ATP6V0A4: variants seen among roughly 807,000 people sequenced by gnomAD.
ATP6V0A4 encodes the protein ATPase H+ transporting V0 subunit a4, also known as V-type proton ATPase 116 kDa subunit a 4.
Under a neutral mutation model 107.3 loss-of-function variants are expected in ATP6V0A4, and 86 were observed. The ratio of observed to expected loss-of-function variants is 0.80; its 90% confidence interval spans 0.67 to 0.96. The LOEUF is 0.96. ATP6V0A4 is among the 40% of genes least tolerant of loss of function. ATP6V0A4 has a pLI of 0.00. For synonymous variants in ATP6V0A4, 353 were observed against 381.4 expected, an observed-to-expected ratio of 0.93 and a Z score of 0.87; for missense variants, 908 against 1,045.6, an observed-to-expected ratio of 0.87 and a Z score of 1.81.
intron 21 of ATP6V0A4, among the ~76,000 whole-genome samples, chr7:138,707,350 A>ATATATATTT (rs1385766898): frequency 2.2e-5 from 2 of 90,394 alleles, no homozygotes; most frequent in African/African-American, 9.4e-5. Flanking sequence ...TATATATTAT[A>ATATATATTT]ATATATATTA....
chr7:138,771,722 A>G (rs1450915020), intron 2 of ATP6V0A4, among the ~76,000 whole-genome samples: 1 of 151,936 alleles, frequency 6.6e-6, no homozygotes, highest in Non-Finnish European at 1.5e-5. Flanking sequence ...TGGGCTCAAG[A>G]GATCCTCCTG....
chr7:138,711,834 G>A (rs934841954), intron 20 of ATP6V0A4, among the ~76,000 whole-genome samples: 6 of 152,222 alleles, frequency 3.9e-5, no homozygotes, highest in Admixed American at 1.3e-4. Flanking sequence ...TCAGCCCTGC[G>A]TGTACCCGCA....
intron 1 of ATP6V0A4, among the ~76,000 whole-genome samples, chr7:138,787,043 A>G (rs1308403236): frequency 6.6e-6 from 1 of 152,178 alleles, no homozygotes; most frequent in African/African-American, 2.4e-5. Flanking sequence ...CAGTCTCCTT[A>G]CTTTAGAGAT....
At chr7:138,732,851 T>TTA (rs1805091760) in intron 17 of ATP6V0A4, 26 bp downstream of exon 17, 2 of 1,398,130 alleles carry the variant, frequency 1.4e-6, no homozygotes, top group East Asian at 2.6e-5. Flanking sequence ...AAAAGAAGAG[T>TTA]AAAAAAAAAA....
rs955414711 is a variant in ATP6V0A4, at chr7:138,741,076, G to A, written c.1479-1443C>T. 4.6e-5 allele frequency among the ~76,000 whole-genome samples: 7 copies of A among 152,196 alleles called. No homozygotes were observed. The East Asian group carries it at 5.8e-4, about 13-fold the overall frequency. Reference sequence around the variant, plus strand: ...GAAGAATTACTTGAAACCAGGAGGCGGAGGTTGCAGTGAGCCAAGATTGCA... The same window carrying A: ...GAAGAATTACTTGAAACCAGGAGGCAGAGGTTGCAGTGAGCCAAGATTGCA... On this transcript the variant is annotated intron_variant, in intron 14 of 21. Transcript: ENST00000310018.
chr7:138,718,058 T>G (rs1347369566), intron 19 of ATP6V0A4, among the ~76,000 whole-genome samples: 1 of 84,538 alleles, frequency 1.2e-5, no homozygotes, highest in African/African-American at 4.6e-5. Flanking sequence ...GGGGGTACAG[T>G]CACGGGTGTC....
In ATP6V0A4 at chr7:138,771,147, A is replaced by T; in HGVS notation, c.101T>A (p.Leu34Ter). 6.2e-7 allele frequency: 1 copy of T among 1,614,152 alleles called. No homozygotes were observed. Among genetic ancestry groups the T allele is most frequent in the Non-Finnish European group, 8.5e-7 (1 of 1,180,028 alleles). ...CCVAELGELG[L>*]VQFKDLNMNV... is the part of the protein sequence containing the mutation. ...AGTACCTACATCTTTGAACTGAACC[A>T]ATCCGAGCTCTCCGAGCTCAGCCAC... Residue 34 changes from leucine to a stop codon, truncating the protein, a stop_gained, in exon 3 of 22, where the codon TTG (leucine) becomes TAG (stop). Transcript: ENST00000310018. LOFTEE classifies it high-confidence loss of function.
Position 138,728,746 on chromosome 7 carries a change from A to G in ATP6V0A4, c.2010+15T>C. 1.2e-6 allele frequency: 2 copies of G among 1,614,174 alleles called. No homozygotes were observed. The highest frequency in any genetic ancestry group is 1.7e-6 in the Non-Finnish European group (2 of 1,180,016). On this transcript the variant is annotated intron_variant, in intron 18 of 21. Transcript: ENST00000310018. ...CTTATGCAAAGTAGGGTGAACTGAA[A>G]CAAACAGCCCTTACCTGGGATTTCC...
chr7:138,793,873 T>G (rs983769643), intron 1 of ATP6V0A4, among the ~76,000 whole-genome samples: 1 of 152,194 alleles, frequency 6.6e-6, no homozygotes, highest in Non-Finnish European at 1.5e-5. Flanking sequence ...CGCCTCCCAG[T>G]GCAATTTTGA....
chr7:138,740,295 G>A (rs980022911), intron 14 of ATP6V0A4, among the ~76,000 whole-genome samples: 19 of 151,880 alleles, frequency 1.3e-4, no homozygotes, highest in African/African-American at 4.6e-4. Flanking sequence ...TCTGAAGGAT[G>A]GATTGTTTTT....
At chr7:138,778,824 G>C (rs955768117) in intron 2 of ATP6V0A4, among the ~76,000 whole-genome samples, 2 of 151,936 alleles carry the variant, frequency 1.3e-5, no homozygotes. Context: ...TGCCCCTGTT[G>C]GGGGTGTCAG....
chr7:138,752,843 C>CA lies in ATP6V0A4; in HGVS notation c.817-7dup, dbSNP rs749428034. ...GACTCTGTTTGTGTTATGACCTATA[C>CA]AAAAAACAACACACAGGAAAACAGA... On this transcript the variant is annotated splice_polypyrimidine_tract_variant and splice_region_variant and intron_variant, in intron 10 of 21. Coordinates refer to ENST00000310018, the MANE Select transcript of ATP6V0A4 (RefSeq NM_020632.3). 5.6e-6 allele frequency: 9 copies of CA among 1,613,414 alleles called. No homozygotes were observed. The highest frequency in any genetic ancestry group is 5.3e-5 in the African/African-American group (4 of 74,926).
In ATP6V0A4 at chr7:138,773,534, G is replaced by A. The variant is rs1190964002; in HGVS notation, c.-17-2270C>T. Among the ~76,000 whole-genome samples the A allele has an allele frequency of 1.3e-5, 2 of 152,110 alleles. No individual in the cohort carries two copies. Among genetic ancestry groups the A allele is most frequent in the African/African-American group, 4.8e-5 (2 of 41,410 alleles). Reference sequence around the variant, plus strand: ...CCACACACAAACCAGTGAAGTCCACGAGGCTAGAACCATTCCCTGTTTCCA... The same window carrying A: ...CCACACACAAACCAGTGAAGTCCACAAGGCTAGAACCATTCCCTGTTTCCA... On this transcript the variant is annotated intron_variant, in intron 2 of 21. Transcript: ENST00000310018. The surrounding 1 kb of genome is among the most constrained non-coding windows in gnomAD (Gnocchi z 5.4).
chr7:138,723,523 CTTTTTTT>C (rs10528520), intron 18 of ATP6V0A4, among the ~76,000 whole-genome samples: 1 of 128,182 alleles, frequency 7.8e-6, no homozygotes, highest in Admixed American at 7.8e-5. Flanking sequence ...TCTTTCTTTT[CTTTTTTT>C]TTTTTTTTTT....
intron 2 of ATP6V0A4, among the ~76,000 whole-genome samples, chr7:138,785,243 T>A (rs1253405252): frequency 6.6e-6 from 1 of 151,948 alleles, no homozygotes; most frequent in Non-Finnish European, 1.5e-5. Flanking sequence ...GATTTTATCA[T>A]CCACTCAAAC....
chr7:138,781,340 C>G (rs1306897502), intron 2 of ATP6V0A4, among the ~76,000 whole-genome samples: 1 of 145,332 alleles, frequency 6.9e-6, no homozygotes, highest in Non-Finnish European at 1.5e-5. Context: ...TTTTCTTTTT[C>G]TTTTTTTGTA....
In ATP6V0A4 at chr7:138,798,098, C is replaced by G. The variant is rs1808777661; in HGVS notation, c.-185G>C. Reference sequence around the variant, plus strand: ...ACCTGCACCGGGCACTCAGCACAGCCTCCAGCATGCAGCGCCTCCCCGCTG... The same window carrying G: ...ACCTGCACCGGGCACTCAGCACAGCGTCCAGCATGCAGCGCCTCCCCGCTG... On this transcript the variant is annotated 5_prime_UTR_variant, in exon 1 of 22. Coordinates refer to ENST00000310018, the MANE Select transcript of ATP6V0A4 (RefSeq NM_020632.3). 6.3e-7 allele frequency: 1 copy of G among 1,594,508 alleles called. No individual in the cohort carries two copies. Among genetic ancestry groups the G allele is most frequent in the African/African-American group, 1.3e-5 (1 of 74,560 alleles).
intron 5 of ATP6V0A4, among the ~76,000 whole-genome samples, chr7:138,765,538 T>C (rs1807044267): frequency 6.6e-6 from 1 of 152,176 alleles, no homozygotes; most frequent in Non-Finnish European, 1.5e-5. Flanking sequence ...CCTCTAGGAC[T>C]GTTATAAAAG....
At chr7:138,729,726 C>A (rs1804893239) in intron 17 of ATP6V0A4, among the ~76,000 whole-genome samples, 1 of 152,194 alleles carries the variant, frequency 6.6e-6, no homozygotes, top group South Asian at 2.1e-4. Flanking sequence ...GAGCACGGTG[C>A]TGGAAGGAAA....
Sources: gnomAD v4.1 joint callset for allele counts (sites outside exome capture counted in the v4.1 genomes callset) on GRCh38, gnomAD v4.1.1 for gene constraint, Gnocchi (gnomAD v3.1) non-coding constraint, MANE v1.5 for transcripts, NCBI Gene and HGNC (gene_info 2026-07-23, HGNC 2026-07-21) for gene names.